The following SHANK2 variants were observed in gnomAD, a reference collection of about 807,000 sequenced individuals.
The protein encoded by SHANK2 is SH3 and multiple ankyrin repeat domains protein 2.
Under a neutral mutation model 133.7 loss-of-function variants are expected in SHANK2, and 43 were observed. That is an observed-to-expected ratio of 0.32 (90% CI 0.25 to 0.41). The LOEUF is 0.41. SHANK2 is among the 10% of genes least tolerant of loss of function. The probability of loss-of-function intolerance (pLI) is 1.00; values close to 1 mark genes in which losing one functional copy is unlikely to be tolerated. For synonymous variants in SHANK2, 1,017 were observed against 952.8 expected, an observed-to-expected ratio of 1.07 and a Z score of -1.24; for missense variants, 1,994 against 2,235.8, an observed-to-expected ratio of 0.89 and a Z score of 2.18.
Position 71,188,344 on chromosome 11 carries a change from C to T in SHANK2, c.-13+36353G>A, listed in dbSNP as rs1006709731. 1.2e-4 allele frequency among the ~76,000 whole-genome samples: 18 copies of T among 152,166 alleles called. No individual in the cohort carries two copies. The highest frequency in any genetic ancestry group is 2.7e-4 in the African/African-American group (11 of 41,444). On this transcript the variant is annotated intron_variant, in intron 2 of 25. Transcript: ENST00000601538. This position sits in a 1 kb window ranked among gnomAD's most constrained non-coding sequence, Gnocchi z 4.6. ...TACGCCTGAGAAGGTCAGCCCCAAA[C>T]GCCCTCAGCAGCCCATGCCCAGGCC... is the stretch of plus-strand genomic sequence containing the variant.
At chr11:70,908,103 A>G (rs1359688240) in intron 10 of SHANK2, 1 of 265,118 alleles carries the variant, frequency 3.8e-6, no homozygotes, top group Non-Finnish European at 7.6e-6. Context: ...CTCAAAAAAA[A>G]AGAAAAAAAA....
Position 71,094,682 on chromosome 11 carries a change from G to T in SHANK2, c.599C>A (p.Pro200His). ...GTCCAGCTGAGCGGCTAAGGTCAGG[G>T]GGGTCTCTGAGGAACCCAAACACAC... ...NFHDPETGET[P>H]LTLAAQLDDS... The change falls in exon 7 of 26, where the codon CCC (proline) becomes CAC (histidine). Residue 200 changes from proline (P) to histidine (H), a missense_variant. This residue lies in a region of SHANK2 where 653 missense variants were observed against 563.4 expected (regional missense o/e 1.16). Coordinates refer to ENST00000601538, the MANE Select transcript of SHANK2 (RefSeq NM_012309.5). 6.4e-7 allele frequency: 1 copy of T among 1,551,668 alleles called. No homozygotes were observed. Among genetic ancestry groups the T allele is most frequent in the South Asian group, 1.2e-5 (1 of 84,050 alleles).
chr11:70,571,010 C>T (rs1454454684), intron 17 of SHANK2, among the ~76,000 whole-genome samples: 1 of 152,184 alleles, frequency 6.6e-6, no homozygotes, highest in South Asian at 2.1e-4. Flanking sequence ...GTTAGCATTT[C>T]TTTCTTCTGA....
intron 17 of SHANK2, among the ~76,000 whole-genome samples, chr11:70,623,625 T>A (rs1229742423): frequency 2.0e-5 from 3 of 152,138 alleles, no homozygotes; most frequent in Non-Finnish European, 2.9e-5. Flanking sequence ...GTGGTTTTCA[T>A]CAAATGGGAG....
rs782146102 is a variant in SHANK2, at chr11:70,486,409, T to G, written c.3884A>C (p.Lys1295Thr). The change falls in exon 25 of 26, where the codon AAG becomes ACG. Residue 1295 changes from lysine to threonine, a missense_variant. Coordinates refer to ENST00000601538, the MANE Select transcript of SHANK2 (RefSeq NM_012309.5). This position sits in a 1 kb window ranked among gnomAD's most constrained non-coding sequence, Gnocchi z 8.0. ...CATGATGTCGATCAGCATGTTCTTC[T>G]TGTCATCGCCTTTCCGGTCTCGGCC... is the stretch of plus-strand genomic sequence containing the variant. The part of the protein sequence containing the change: ...DLGRDRKGDD[K>T]KNMLIDIMDT... The G allele has an allele frequency of 2.4e-5, 38 of 1,613,950 alleles. No individual in the cohort carries two copies. In the East Asian group the frequency reaches 8.5e-4, roughly 36 times the overall value.
intron 17 of SHANK2, among the ~76,000 whole-genome samples, chr11:70,506,248 G>A (rs953722945): frequency 1.3e-5 from 2 of 152,216 alleles, no homozygotes; most frequent in African/African-American, 2.4e-5. Flanking sequence ...GCCCCAGCCA[G>A]AGCTGCTCCT....
intron 6 of SHANK2, among the ~76,000 whole-genome samples, chr11:71,102,454 GCGGGGCCCAGGTCTGCAGGGCC>G (rs1951730786): frequency 1.3e-5 from 2 of 152,126 alleles, no homozygotes; most frequent in Non-Finnish European, 2.9e-5. Flanking sequence ...AAACAGGGAC[GCGGGGCCCAGGTCTGCAGGGCC>G]CGGGACTGAG....
At chr11:70,856,557 T>C (rs958680323) in intron 11 of SHANK2, among the ~76,000 whole-genome samples, 37 of 152,086 alleles carry the variant, frequency 2.4e-4, no homozygotes, top group African/African-American at 8.5e-4. Context: ...GGTAGGTGGC[T>C]GGATGAATGA....
intron 10 of SHANK2, among the ~76,000 whole-genome samples, chr11:70,953,745 C>T (rs997379997): frequency 2.4e-4 from 36 of 152,312 alleles, no homozygotes; most frequent in South Asian, 6.2e-4. Flanking sequence ...CCTTCTCTGG[C>T]GACACCCTCA....
rs189067793 is a variant in SHANK2, at chr11:70,657,118, T to C, written c.2061+2710A>G. 4.6e-5 allele frequency among the ~76,000 whole-genome samples: 7 copies of C among 152,274 alleles called. No homozygotes were observed. In the East Asian group the frequency reaches 1.4e-3, roughly 29 times the overall value. On this transcript the variant is annotated intron_variant, in intron 17 of 25. Transcript: ENST00000601538. ...TGCATTTTTAAAGAGAAAATAAAAA[T>C]CTGTCACACTTTCGAGGTTCTTTCA...
chr11:70,840,375 C>T (rs1482051701), intron 11 of SHANK2, among the ~76,000 whole-genome samples: 1 of 152,192 alleles, frequency 6.6e-6, no homozygotes, highest in Non-Finnish European at 1.5e-5. Context: ...GGCTGGGAGT[C>T]CCAGCTCCCT....
chr11:71,119,058 A>T, intron 3 of SHANK2, 26 bp from the exon 4 acceptor site: 1 of 1,548,940 alleles, frequency 6.5e-7, no homozygotes, highest in South Asian at 1.2e-5. Context: ...AAGACAGCTG[A>T]TGAGTGACAG....
intron 2 of SHANK2, among the ~76,000 whole-genome samples, chr11:71,153,901 C>T (rs1218782589): frequency 1.1e-4 from 16 of 152,084 alleles, no homozygotes; most frequent in Non-Finnish European, 2.2e-4. Context: ...ACTTGGGAGG[C>T]GGAGTTTGTA....
At chr11:70,826,791 A>G (rs1948647574) in intron 11 of SHANK2, 1 of 284,624 alleles carries the variant, frequency 3.5e-6, no homozygotes, top group Non-Finnish European at 7.1e-6. Context: ...GAGCCGGGCT[A>G]CTCTGCTTTT....
chr11:70,630,654 G>A (rs991656066), intron 17 of SHANK2, among the ~76,000 whole-genome samples: 1 of 152,186 alleles, frequency 6.6e-6, no homozygotes. Flanking sequence ...GCCACGTGCA[G>A]ATGGAAGCAG....
chr11:70,490,838 C>T (rs1208725821), intron 22 of SHANK2, among the ~76,000 whole-genome samples: 2 of 152,232 alleles, frequency 1.3e-5, no homozygotes, highest in Non-Finnish European at 2.9e-5. Flanking sequence ...ACCATCTCCT[C>T]TTTCATAAAA....
intron 17 of SHANK2, among the ~76,000 whole-genome samples, chr11:70,599,913 AAG>A (rs797044253): frequency 0.27 from 19,107 of 71,784 alleles, 2,557 homozygotes; most frequent in South Asian, 0.41. Context: ...AAGAGAAAGA[AAG>A]AAAGAAAGAA....
At chr11:71,194,331 G>A (rs763789752) in intron 2 of SHANK2, among the ~76,000 whole-genome samples, 5 of 152,174 alleles carry the variant, frequency 3.3e-5, no homozygotes, top group African/African-American at 4.8e-5. Flanking sequence ...CATCAGTGCC[G>A]CGTGTGACAG....
intron 14 of SHANK2, among the ~76,000 whole-genome samples, chr11:70,756,110 G>T (rs903281099): frequency 2.6e-5 from 4 of 152,086 alleles, no homozygotes; most frequent in Non-Finnish European, 5.9e-5. Flanking sequence ...GACAGCTGCA[G>T]CCCCCGTGCG....
Sources: gnomAD v4.1 joint callset for allele counts (sites outside exome capture counted in the v4.1 genomes callset) on GRCh38, gnomAD v4.1.1 for gene constraint, gnomAD v4.1.1 regional missense constraint, Gnocchi (gnomAD v3.1) non-coding constraint, MANE v1.5 for transcripts, NCBI Gene and HGNC (gene_info 2026-07-23, HGNC 2026-07-21) for gene names.